Variants in ZNF420 observed in about 807,000 individuals in gnomAD.
ZNF420 encodes the protein zinc finger protein 420.
In ZNF420, 31 loss-of-function variants were observed where a neutral mutation model predicts 44.7. The observed-to-expected ratio is 0.69, with a 90% CI of 0.52 to 0.94. The LOEUF (loss-of-function observed/expected upper bound fraction) is 0.94, where lower values mean the gene tolerates loss of function less well. Ranked by LOEUF, ZNF420 falls within the 40% of genes least tolerant of loss-of-function variation. The probability of loss-of-function intolerance (pLI) is 0.00; values close to 1 mark genes in which losing one functional copy is unlikely to be tolerated. For synonymous variants in ZNF420, 245 were observed against 267.4 expected (o/e 0.92, Z 0.82); for missense variants, 681 against 827.9 (o/e 0.82, Z 2.18).
intron 1 of ZNF420, among the ~76,000 whole-genome samples, chr19:37,023,360 TTTTC>T: frequency 6.6e-6 from 1 of 152,284 alleles, no homozygotes; most frequent in Non-Finnish European, 1.5e-5. Context: ...AAAGGTTTTC[TTTTC>T]TTTCTTTTTT....
At chr19:37,047,572 GCCT>G (rs1354618323) in intron 1 of ZNF420, among the ~76,000 whole-genome samples, 2 of 152,200 alleles carry the variant, frequency 1.3e-5, no homozygotes, top group African/African-American at 4.8e-5. Context: ...AAGGCATAGT[GCCT>G]CGTCATTTTC....
At chr19:37,109,353 TAGCTGC>T (rs1433440047) in intron 4 of ZNF420, 2 of 152,238 alleles carry the variant, frequency 1.3e-5, no homozygotes, top group Non-Finnish European at 2.9e-5. Flanking sequence ...TAGGTATAAT[TAGCTGC>T]AGCTGCTCCT....
At chr19:37,079,063 G>A (rs1968280488) in intron 1 of ZNF420, among the ~76,000 whole-genome samples, 1 of 152,100 alleles carries the variant, frequency 6.6e-6, no homozygotes, top group African/African-American at 2.4e-5. Flanking sequence ...GTGACTGTGG[G>A]GTTGTGTGTG....
intron 1 of ZNF420, among the ~76,000 whole-genome samples, chr19:37,047,864 G>A (rs547823206): frequency 2.6e-5 from 4 of 152,266 alleles, no homozygotes; most frequent in African/African-American, 9.6e-5. Flanking sequence ...CAGTCTATGA[G>A]TGTGGGATTG....
At chr19:37,066,359 C>G (rs1967966869) in intron 1 of ZNF420, among the ~76,000 whole-genome samples, 1 of 151,820 alleles carries the variant, frequency 6.6e-6, no homozygotes, top group Non-Finnish European at 1.5e-5. Flanking sequence ...AGGATAATTG[C>G]TTTAACCCGG....
At chr19:37,058,335 C>T (rs545216807) in intron 1 of ZNF420, among the ~76,000 whole-genome samples, 6 of 152,106 alleles carry the variant, frequency 3.9e-5, no homozygotes, top group Non-Finnish European at 7.4e-5. Flanking sequence ...GAGCGGTAGG[C>T]GATCATGGCT....
At chr19:37,116,815 C>A (rs554973503) in intron 4 of ZNF420, among the ~76,000 whole-genome samples, 81 of 152,342 alleles carry the variant, frequency 5.3e-4, no homozygotes, top group Middle Eastern at 3.4e-3. Flanking sequence ...TATCCCACAC[C>A]TAGCTCAGAG....
intron 1 of ZNF420, among the ~76,000 whole-genome samples, chr19:37,062,435 T>C (rs1967894895): frequency 6.6e-6 from 1 of 152,250 alleles, no homozygotes; most frequent in South Asian, 2.1e-4. Context: ...GAAAATCTTT[T>C]ATTTTCCTCT....
At chr19:37,099,442 A>C (rs1969638910) in intron 4 of ZNF420, among the ~76,000 whole-genome samples, 1 of 152,024 alleles carries the variant, frequency 6.6e-6, no homozygotes, top group Admixed American at 6.6e-5. Flanking sequence ...GATATTGAGC[A>C]TTTTTTCATT....
chr19:37,060,403 C>T (rs577368130), intron 1 of ZNF420, among the ~76,000 whole-genome samples: 10 of 152,242 alleles, frequency 6.6e-5, no homozygotes, highest in Non-Finnish European at 1.0e-4. Context: ...CTCCTCCCCT[C>T]AGCCCGTGGC....
chr19:37,058,910 C>T (rs575425130), intron 1 of ZNF420, among the ~76,000 whole-genome samples: 11 of 152,306 alleles, frequency 7.2e-5, no homozygotes, highest in African/African-American at 2.4e-4. Flanking sequence ...CGAATCGGGG[C>T]AGCCCACAGC....
chr19:37,092,636 C>T (rs941326642), intron 4 of ZNF420: 3 of 151,850 alleles, frequency 2.0e-5, no homozygotes, highest in Admixed American at 6.6e-5. Flanking sequence ...ATCGCTTGAA[C>T]CTAGGAGGCA....
rs143378644 is a variant in ZNF420, at chr19:37,097,699, G to A, written c.136+6578G>A. On this transcript the variant is annotated intron_variant, in intron 4 of 4. Coordinates refer to ENST00000337995, the MANE Select transcript of ZNF420 (RefSeq NM_144689.5). ...CTATTTTATTCTTTAAGTTCTTTATGTGGGAAAATGGACTCTGATGTTGAA... is the reference window on the plus strand; with the variant it reads ...CTATTTTATTCTTTAAGTTCTTTATATGGGAAAATGGACTCTGATGTTGAA... Among the ~76,000 whole-genome samples the A allele has an allele frequency of 2.2e-3, 334 of 152,198 alleles. 1 individual carries two copies. The highest frequency in any genetic ancestry group is 7.7e-3 in the African/African-American group (321 of 41,534).
chr19:37,091,285 A>T, intron 4 of ZNF420, 164 bp downstream of exon 4: 1 of 609,938 alleles, frequency 1.6e-6, no homozygotes, highest in Admixed American at 3.6e-5. Flanking sequence ...GGGCACCTTT[A>T]TCTTTTCCAT....
chr19:37,058,409 G>A (rs1351747987), intron 1 of ZNF420, among the ~76,000 whole-genome samples: 2 of 152,098 alleles, frequency 1.3e-5, no homozygotes, highest in Admixed American at 1.3e-4. Flanking sequence ...ATTATTGAGA[G>A]ACATCCTCCC....
intron 4 of ZNF420, among the ~76,000 whole-genome samples, chr19:37,096,454 C>G (rs1969461374): frequency 6.6e-6 from 1 of 152,128 alleles, no homozygotes; most frequent in Admixed American, 6.5e-5. Context: ...TGTCATTTTC[C>G]TTTAAGGTTT....
In ZNF420 at chr19:37,128,064, C is replaced by A. The variant is rs763579753; in HGVS notation, c.1073C>A (p.Thr358Asn). 1 of 1,614,034 alleles carries A rather than the reference C, an allele frequency of 6.2e-7. No individual in the cohort carries two copies. Among genetic ancestry groups the A allele is most frequent in the Non-Finnish European group, 8.5e-7 (1 of 1,179,978 alleles). ...CTGATGCAACATCAGAGGATTCATACTGGTGAAAAACCCTATAAATGTGAA... is the reference window on the plus strand; with the variant it reads ...CTGATGCAACATCAGAGGATTCATAATGGTGAAAAACCCTATAAATGTGAA... ...SLLMQHQRIHTGEKPYKCEEC... is the reference protein window; with the variant it reads ...SLLMQHQRIHNGEKPYKCEEC... Residue 358 changes from threonine to asparagine, a missense_variant, in exon 5 of 5, where the codon ACT (threonine) becomes AAT (asparagine). Thr to Asn is a moderately conservative substitution (Grantham distance 65). This residue lies in a region of ZNF420 where 51 missense variants were observed against 106.8 expected (regional missense o/e 0.48). Transcript: ENST00000337995.
chr19:37,128,809 G>T lies in ZNF420; in HGVS notation c.1818G>T (p.Gln606His). 1 of 1,613,540 alleles carries T rather than the reference G, an allele frequency of 6.2e-7. No individual in the cohort carries two copies. Reference protein sequence around the residue: ...FSHGSQLTLHQRIHTGEKPYE... With the variant: ...FSHGSQLTLHHRIHTGEKPYE... ...ATGGCTCTCAGCTTACTCTACATCA[G>T]AGAATCCATACTGGTGAGAAGCCCT... The change falls in exon 5 of 5, where the codon CAG becomes CAT. Residue 606 changes from glutamine (Q) to histidine (H), a missense_variant. This residue lies in a region of ZNF420 where 280 missense variants were observed against 338.6 expected (regional missense o/e 0.83). Coordinates refer to ENST00000337995, the MANE Select transcript of ZNF420 (RefSeq NM_144689.5).
intron 1 of ZNF420, among the ~76,000 whole-genome samples, chr19:37,079,806 G>A (rs1015936631): frequency 9.2e-5 from 14 of 151,824 alleles, no homozygotes; most frequent in Admixed American, 7.2e-4. Context: ...GATTACCTGA[G>A]GTCATGGTTT....
Sources: gnomAD v4.1 joint callset for allele counts (sites outside exome capture counted in the v4.1 genomes callset) on GRCh38, gnomAD v4.1.1 for gene constraint, gnomAD v4.1.1 regional missense constraint, MANE v1.5 for transcripts, NCBI Gene and HGNC (gene_info 2026-07-23, HGNC 2026-07-21) for gene names.